The following MOSMO variants were observed in gnomAD, a reference collection of about 807,000 sequenced individuals.
MOSMO encodes the protein modulator of smoothened protein.
MOSMO carries 5 observed loss-of-function variants against 18.4 expected under a neutral mutation model. That is an observed-to-expected ratio of 0.27 (90% CI 0.14 to 0.57). The LOEUF is 0.57. Ranked by LOEUF, MOSMO falls within the 20% of genes least tolerant of loss-of-function variation. MOSMO has a pLI of 0.92. For synonymous variants in MOSMO, 82 were observed against 82.3 expected, an observed-to-expected ratio of 1.00 and a Z score of 0.02; for missense variants, 138 against 211.8, an observed-to-expected ratio of 0.65 and a Z score of 2.16.
chr16:22,064,764 T>C (rs1159842665), intron 1 of MOSMO, among the ~76,000 whole-genome samples: 1 of 152,160 alleles, frequency 6.6e-6, no homozygotes, highest in Non-Finnish European at 1.5e-5. Context: ...CAGAATTGTA[T>C]GGATTTATCT....
At chr16:22,057,856 G>A (rs1900566870) in intron 1 of MOSMO, among the ~76,000 whole-genome samples, 1 of 152,182 alleles carries the variant, frequency 6.6e-6, no homozygotes, top group African/African-American at 2.4e-5. Context: ...GCAAGAACAT[G>A]AGCAGGGAAT....
chr16:22,048,963 C>G (rs752312109), intron 1 of MOSMO, among the ~76,000 whole-genome samples: 2 of 152,000 alleles, frequency 1.3e-5, no homozygotes, highest in Non-Finnish European at 2.9e-5. Flanking sequence ...CTTTTTCTCC[C>G]CTGATATTTC....
intron 1 of MOSMO, among the ~76,000 whole-genome samples, chr16:22,060,768 G>C (rs1301078344): frequency 6.6e-6 from 1 of 152,024 alleles, no homozygotes; most frequent in South Asian, 2.1e-4. Flanking sequence ...AGCAACTCCA[G>C]AGGCTGAGGC....
At chr16:22,030,020 A>C (rs1899961577) in intron 1 of MOSMO, among the ~76,000 whole-genome samples, 1 of 152,144 alleles carries the variant, frequency 6.6e-6, no homozygotes, top group Non-Finnish European at 1.5e-5. Flanking sequence ...TCTCACCATA[A>C]ATTCATGCTT....
chr16:22,012,141 T>C (rs1899544910), intron 1 of MOSMO, among the ~76,000 whole-genome samples: 1 of 152,212 alleles, frequency 6.6e-6, no homozygotes, highest in Admixed American at 6.5e-5. Context: ...GATGTTTTCA[T>C]TGCAGTTTTT....
intron 1 of MOSMO, among the ~76,000 whole-genome samples, chr16:22,040,483 T>C (rs530498549): frequency 6.6e-6 from 1 of 152,308 alleles, no homozygotes; most frequent in East Asian, 1.9e-4. Context: ...GCAATAAGAA[T>C]GATACCAAGA....
intron 1 of MOSMO, among the ~76,000 whole-genome samples, chr16:22,015,242 CAT>C (rs1899613830): frequency 6.6e-6 from 1 of 152,036 alleles, no homozygotes; most frequent in African/African-American, 2.4e-5. Context: ...AAAGTTCATA[CAT>C]GTTATGACTT....
intron 1 of MOSMO, among the ~76,000 whole-genome samples, chr16:22,022,983 T>G (rs1017644207): frequency 5.9e-5 from 9 of 152,212 alleles, no homozygotes; most frequent in African/African-American, 2.2e-4. Context: ...GTTGTAAATG[T>G]AAAGGATGAT....
chr16:22,064,828 G>A (rs965960748), intron 1 of MOSMO, among the ~76,000 whole-genome samples: 3 of 152,078 alleles, frequency 2.0e-5, no homozygotes, highest in South Asian at 2.1e-4. Flanking sequence ...CTCTCCCCAC[G>A]TCACCTCCAG....
At position 22,044,246 on chromosome 16, in the gene MOSMO, C is replaced by T. The variant is rs570132957; in HGVS notation, c.107-31241C>T. 2.6e-5 allele frequency among the ~76,000 whole-genome samples: 4 copies of T among 152,206 alleles called. No individual in the cohort carries two copies. The East Asian group carries it at 7.7e-4, about 29-fold the overall frequency. On this transcript the variant is annotated intron_variant, in intron 1 of 2. Transcript: ENST00000542527. ...AGATAATAGTTATATGGAGTACTAC[C>T]CACTGAAGGGATACATGTTTACCTG...
At chr16:22,033,589 G>A (rs764430121) in intron 1 of MOSMO, among the ~76,000 whole-genome samples, 2 of 151,874 alleles carry the variant, frequency 1.3e-5, no homozygotes, top group Non-Finnish European at 2.9e-5. Context: ...AAGCCGAGGC[G>A]GGCAGATCAC....
intron 1 of MOSMO, among the ~76,000 whole-genome samples, chr16:22,009,272 T>C (rs1899465587): frequency 6.6e-6 from 1 of 152,110 alleles, no homozygotes; most frequent in African/African-American, 2.4e-5. Context: ...TAATAGTAGT[T>C]ACAAAATTAA....
chr16:22,018,322 G>C (rs1899683047), intron 1 of MOSMO, among the ~76,000 whole-genome samples: 1 of 152,052 alleles, frequency 6.6e-6, no homozygotes, highest in South Asian at 2.1e-4. Context: ...TGTTTACCTG[G>C]AACATGGTTG....
In MOSMO at chr16:22,016,526, AGTT is replaced by A. The variant is rs1364559538; in HGVS notation, c.106+8125_106+8127del. On this transcript the variant is annotated intron_variant, in intron 1 of 2. Coordinates refer to ENST00000542527, the MANE Select transcript of MOSMO (RefSeq NM_001164579.2). The stretch of plus-strand genomic sequence containing the variant: ...ATCTGGGAAGAGAGACTGCATAGTC[AGTT>A]GTTGTGGTAATACACACTTATGGGA... Among the ~76,000 whole-genome samples, 3 of 152,336 alleles carry A rather than the reference AGTT, an allele frequency of 2.0e-5. No homozygotes were observed. In the East Asian group the frequency reaches 5.8e-4, roughly 29 times the overall value.
chr16:22,061,204 G>T (rs1900639080), intron 1 of MOSMO, among the ~76,000 whole-genome samples: 1 of 152,116 alleles, frequency 6.6e-6, no homozygotes, highest in African/African-American at 2.4e-5. Flanking sequence ...TCTATATCAT[G>T]GTTGAAATGG....
At chr16:22,018,234 G>GA (rs1279188786) in intron 1 of MOSMO, among the ~76,000 whole-genome samples, 1 of 151,992 alleles carries the variant, frequency 6.6e-6, no homozygotes, top group Non-Finnish European at 1.5e-5. Flanking sequence ...AACAGGAGTA[G>GA]AAAAAAATGC....
rs780580377 is a variant in MOSMO, at chr16:22,072,430, G to GA, written c.107-3054dup. On this transcript the variant is annotated intron_variant, in intron 1 of 2. Transcript: ENST00000542527. ...TTGCATTAGCCCTTGCATATTTAAG[G>GA]AAAGTCTATTTTTACTGAATGTGTG... 7.2e-5 allele frequency among the ~76,000 whole-genome samples: 11 copies of GA among 152,290 alleles called. No individual in the cohort carries two copies. The South Asian group carries it at 1.2e-3, about 17-fold the overall frequency.
chr16:22,060,627 C>G (rs773600931), intron 1 of MOSMO, among the ~76,000 whole-genome samples: 5 of 152,118 alleles, frequency 3.3e-5, no homozygotes, highest in Non-Finnish European at 5.9e-5. Flanking sequence ...AATCCCAGCA[C>G]TTTGGGAGGC....
chr16:22,063,073 C>T (rs973449332), intron 1 of MOSMO, among the ~76,000 whole-genome samples: 3 of 152,064 alleles, frequency 2.0e-5, no homozygotes, highest in African/African-American at 4.8e-5. Flanking sequence ...AGGCTGGTCT[C>T]GAACTCCTGA....
Sources: allele counts gnomAD v4.1 joint callset (sites outside exome capture counted in the v4.1 genomes callset), GRCh38; gene constraint gnomAD v4.1.1; transcripts MANE v1.5; gene names NCBI Gene and HGNC (gene_info 2026-07-23, HGNC 2026-07-21).